CNTN6: variants seen among roughly 807,000 people sequenced by gnomAD.
CNTN6 encodes contactin-6.
Under a neutral mutation model 122.8 loss-of-function variants are expected in CNTN6, and 137 were observed. That is an observed-to-expected ratio of 1.12 (90% CI 0.97 to 1.29). CNTN6 has a LOEUF of 1.29. Among genes scored for constraint, CNTN6 ranks in the 50% most tolerant of loss-of-function variants. The pLI, the probability that CNTN6 is intolerant of heterozygous loss-of-function variation, is 0.00. For missense variants in CNTN6, 1,634 were observed against 1,223.4 expected (o/e 1.34, Z -5.01); for synonymous variants, 570 against 426.0 (o/e 1.34, Z -4.16).
rs950295636 is a variant in CNTN6 at position 1,220,811 on chromosome 3, T to C, written c.180T>C (p.Tyr60=). Residue 60 remains tyrosine (Y), a splice_region_variant and synonymous_variant, in exon 3 of 23, where the codon TAT becomes TAC. Transcript: ENST00000446702. ...CTAATGGTTACCCTTCGCCTCATTA[T>C]AGGTAAAATCCTACCTGTGGGCACC... ...CAANGYPSPH[Y]RWKQNGTDID... 3.1e-6 allele frequency: 5 copies of C among 1,599,128 alleles called. No homozygotes were observed. The highest frequency in any genetic ancestry group is 1.8e-5 in the Admixed American group (1 of 56,654).
At chr3:1,193,664 TA>T (rs2093734151) in intron 2 of CNTN6, among the ~76,000 whole-genome samples, 4 of 152,090 alleles carry the variant, frequency 2.6e-5, no homozygotes, top group Admixed American at 2.6e-4. Context: ...GTTTAATTTA[TA>T]AATATGTTCC....
intron 1 of CNTN6, among the ~76,000 whole-genome samples, chr3:1,139,301 A>G (rs560720793): frequency 1.3e-5 from 2 of 152,216 alleles, no homozygotes; most frequent in East Asian, 3.9e-4. Flanking sequence ...TATTGAATTC[A>G]TTGCTGAGAA....
At chr3:1,184,397 T>G (rs1189894654) in intron 2 of CNTN6, among the ~76,000 whole-genome samples, 2 of 152,176 alleles carry the variant, frequency 1.3e-5, no homozygotes, top group Non-Finnish European at 2.9e-5. Flanking sequence ...AACGCTCATA[T>G]GATAGGATGG....
intron 2 of CNTN6, among the ~76,000 whole-genome samples, chr3:1,202,720 A>C (rs1449797216): frequency 1.3e-5 from 2 of 152,156 alleles, no homozygotes. Flanking sequence ...AATAAACAGT[A>C]AATGTCAAGG....
chr3:1,298,861 T>C (rs1039060641), intron 7 of CNTN6, among the ~76,000 whole-genome samples: 9 of 152,138 alleles, frequency 5.9e-5, no homozygotes, highest in Non-Finnish European at 1.0e-4. Context: ...CTTGACTGAC[T>C]CAGAGGTAAG....
At position 1,103,060 on chromosome 3, in the gene CNTN6, G is replaced by A. The variant is rs530762184; in HGVS notation, c.-83+9940G>A. 3.3e-5 allele frequency among the ~76,000 whole-genome samples: 5 copies of A among 151,152 alleles called. No homozygotes were observed. In the South Asian group the frequency reaches 6.2e-4, roughly 19 times the overall value. ...GGCGGAGCTTGCAGTGAGCCAAGAT[G>A]GCGCCACCGCACTCCAGCCTGGGCG... On this transcript the variant is annotated intron_variant, in intron 1 of 22. Coordinates refer to ENST00000446702, the MANE Select transcript of CNTN6 (RefSeq NM_001289080.2).
intron 1 of CNTN6, among the ~76,000 whole-genome samples, chr3:1,103,100 C>T (rs570358176): frequency 1.8e-4 from 27 of 151,886 alleles, no homozygotes; most frequent in African/African-American, 5.6e-4. Context: ...AGCCAGACTC[C>T]GTCTCAAAAA....
chr3:1,245,755 A>G (rs183333222), intron 4 of CNTN6, among the ~76,000 whole-genome samples: 1 of 152,094 alleles, frequency 6.6e-6, no homozygotes, highest in Non-Finnish European at 1.5e-5. Flanking sequence ...AAACAAATAA[A>G]CAGCAAATAC....
chr3:1,317,997 C>T (rs1417819197), intron 7 of CNTN6, among the ~76,000 whole-genome samples: 2 of 151,210 alleles, frequency 1.3e-5, no homozygotes, highest in African/African-American at 4.9e-5. Context: ...AAGCCCAGTA[C>T]TGTACCCTGA....
chr3:1,300,037 C>T (rs1398019043), intron 7 of CNTN6, among the ~76,000 whole-genome samples: 2 of 151,936 alleles, frequency 1.3e-5, no homozygotes, highest in Non-Finnish European at 2.9e-5. Flanking sequence ...AGTGCAGTGG[C>T]TTGATCTCAG....
rs372334896 is a variant in CNTN6 at position 1,095,196 on chromosome 3, C to T, written c.-83+2076C>T. Among the ~76,000 whole-genome samples, 58 of 151,970 alleles carry T rather than the reference C, an allele frequency of 3.8e-4. No homozygotes were observed. In the South Asian group the frequency reaches 0.011, roughly 28 times the overall value. On this transcript the variant is annotated intron_variant, in intron 1 of 22. Coordinates refer to ENST00000446702, the MANE Select transcript of CNTN6 (RefSeq NM_001289080.2). ...TAAAAAAAAACAGAAATATTGGCCG[C>T]GCGCGGTGGTTCACACCTATAATCC...
chr3:1,325,919 T>A lies in CNTN6; in HGVS notation c.1051T>A (p.Trp351Arg). Residue 351 changes from tryptophan to arginine, a missense_variant, in exon 9 of 23, where the codon TGG becomes AGG. By Grantham distance (101) the Trp-to-Arg change is moderately radical. Coordinates refer to ENST00000446702, the MANE Select transcript of CNTN6 (RefSeq NM_001289080.2). Reference sequence around the variant, plus strand: ...TGGAAAGCCAAACCCTTGGTATACATGGTTAAAAAATGGTGAACGACTCAA... The same window carrying A: ...TGGAAAGCCAAACCCTTGGTATACAAGGTTAAAAAATGGTGAACGACTCAA... ...ASGKPNPWYT[W>R]LKNGERLNPE... is the part of the protein sequence containing the mutation. 6.2e-7 allele frequency: 1 copy of A among 1,611,490 alleles called. No individual in the cohort carries two copies. Among genetic ancestry groups the A allele is most frequent in the South Asian group, 1.1e-5 (1 of 90,972 alleles).
chr3:1,224,336 G>T (rs964359643), intron 3 of CNTN6, among the ~76,000 whole-genome samples: 1 of 152,084 alleles, frequency 6.6e-6, no homozygotes, highest in Non-Finnish European at 1.5e-5. Flanking sequence ...GGAGGAATAA[G>T]TTCTGGGATT....
chr3:1,323,981 C>T (rs980952974), intron 8 of CNTN6, among the ~76,000 whole-genome samples: 6 of 140,800 alleles, frequency 4.3e-5, no homozygotes, highest in African/African-American at 6.4e-5. Flanking sequence ...TACATATGAG[C>T]ATGCATTTAT....
At position 1,295,734 on chromosome 3, in the gene CNTN6, C is replaced by A; in HGVS notation, c.588C>A (p.Cys196Ter). Residue 196 changes from cysteine to a stop codon, truncating the protein, a stop_gained, in exon 6 of 23, where the codon TGC becomes TGA. Coordinates refer to ENST00000446702, the MANE Select transcript of CNTN6 (RefSeq NM_001289080.2). LOFTEE classifies it high-confidence loss of function. The stretch of plus-strand genomic sequence containing the variant: ...CATCAGATGTGGGCAACTACACTTG[C>A]TTTATAACTAACAAAGAGGCCCAGA... ...VEPSDVGNYT[C>*]FITNKEAQRS... 5.6e-6 allele frequency: 9 copies of A among 1,614,052 alleles called. No homozygotes were observed. Among genetic ancestry groups the A allele is most frequent in the African/African-American group, 1.3e-5 (1 of 75,048 alleles).
At chr3:1,240,476 C>G (rs975350884) in intron 4 of CNTN6, among the ~76,000 whole-genome samples, 1 of 152,048 alleles carries the variant, frequency 6.6e-6, no homozygotes, top group Non-Finnish European at 1.5e-5. Context: ...CAATGCAATA[C>G]GACCTCCCTC....
chr3:1,283,305 T>A (rs1693790194), intron 5 of CNTN6, among the ~76,000 whole-genome samples: 1 of 152,172 alleles, frequency 6.6e-6, no homozygotes, highest in South Asian at 2.1e-4. Flanking sequence ...AGCAGGATGT[T>A]ACCGTGCCTT....
chr3:1,295,801 G>T lies in CNTN6; in HGVS notation c.655G>T (p.Asp219Tyr), dbSNP rs541279112. ...ACCCACTCCATTAGTGCAGCGCACT[G>T]ATGGTAAGATAATGAGTTATCTTGG... ...GPPTPLVQRT[D>Y]GVMGEYEPKI... Residue 219 changes from aspartate to tyrosine, a missense_variant, in exon 6 of 23, where the codon GAT becomes TAT. Asp to Tyr is a radical substitution (Grantham distance 160, BLOSUM62 -3). Transcript: ENST00000446702. The T allele has an allele frequency of 6.2e-7, 1 of 1,608,458 alleles. No homozygotes were observed. Among genetic ancestry groups the T allele is most frequent in the Non-Finnish European group, 8.5e-7 (1 of 1,174,900 alleles).
chr3:1,207,402 C>T (rs902164892), intron 2 of CNTN6, among the ~76,000 whole-genome samples: 1 of 152,100 alleles, frequency 6.6e-6, no homozygotes, highest in South Asian at 2.1e-4. Flanking sequence ...ATTATTTTCC[C>T]TTAAATTATA....
Sources: gnomAD v4.1 joint callset for allele counts (sites outside exome capture counted in the v4.1 genomes callset) on GRCh38, gnomAD v4.1.1 for gene constraint, MANE v1.5 for transcripts, NCBI Gene and HGNC (gene_info 2026-07-23, HGNC 2026-07-21) for gene names.